The following GNA14 variants were observed in gnomAD, a reference collection of about 807,000 sequenced individuals.
GNA14 encodes the protein guanine nucleotide-binding protein subunit alpha-14.
In GNA14, 50 loss-of-function variants were observed where a neutral mutation model predicts 42.0. The observed-to-expected ratio is 1.19, with a 90% CI of 0.95 to 1.51. The LOEUF (loss-of-function observed/expected upper bound fraction) is 1.51. Ranked by LOEUF, GNA14 falls within the 40% of genes most tolerant of loss-of-function variation. GNA14 has a pLI of 0.00. For synonymous variants in GNA14, 173 were observed against 163.1 expected (o/e 1.06, Z -0.46); for missense variants, 473 against 446.2 (o/e 1.06, Z -0.54).
intron 1 of GNA14, among the ~76,000 whole-genome samples, chr9:77,576,812 C>T (rs542066537): frequency 2.6e-5 from 4 of 152,012 alleles, no homozygotes; most frequent in African/African-American, 9.6e-5. Context: ...ATGCTATACA[C>T]CTTTCCCAAT....
At chr9:77,601,022 A>G (rs1012501011) in intron 1 of GNA14, among the ~76,000 whole-genome samples, 3 of 152,222 alleles carry the variant, frequency 2.0e-5, no homozygotes, top group Admixed American at 6.5e-5. Flanking sequence ...GCGCCTGCGC[A>G]CTGGGAAAAA....
At chr9:77,572,278 C>T (rs961595) in intron 1 of GNA14, among the ~76,000 whole-genome samples, 107,426 of 152,070 alleles carry the variant, frequency 0.71, 38,182 homozygotes, top group East Asian at 0.86. Context: ...AGACCTAACA[C>T]GTAGGGAAGA....
rs540377314 is a variant in GNA14, at chr9:77,444,893, C to T, written c.310-10371G>A. Reference sequence around the variant, plus strand: ...GGCACCAGCAGGCAGACTCGTTCACCACTCAGTGCACAGCGTCCTGCCCCT... The same window carrying T: ...GGCACCAGCAGGCAGACTCGTTCACTACTCAGTGCACAGCGTCCTGCCCCT... On this transcript the variant is annotated intron_variant, in intron 2 of 6. Transcript: ENST00000341700. 1.3e-5 allele frequency among the ~76,000 whole-genome samples: 2 copies of T among 152,330 alleles called. 1 individual carries two copies. Among genetic ancestry groups the T allele is most frequent in the South Asian group, 4.1e-4 (2 of 4,830 alleles).
intron 1 of GNA14, among the ~76,000 whole-genome samples, chr9:77,542,033 T>A (rs1424211319): frequency 6.6e-6 from 1 of 152,214 alleles, no homozygotes; most frequent in Non-Finnish European, 1.5e-5. Flanking sequence ...ATTTTGTGAA[T>A]TTCTCTTTGA....
chr9:77,629,113 C>T lies in GNA14; in HGVS notation c.124+18557G>A, dbSNP rs116788927. Among the ~76,000 whole-genome samples, 1,114 of 152,106 alleles carry T rather than the reference C, an allele frequency of 7.3e-3. 15 individuals are homozygous for T. Among genetic ancestry groups the T allele is most frequent in the African/African-American group, 0.025 (1,040 of 41,494 alleles). On this transcript the variant is annotated intron_variant, in intron 1 of 6. Coordinates refer to ENST00000341700, the MANE Select transcript of GNA14 (RefSeq NM_004297.4). ...CCTCTCAAGGTATTTATGTGGCCAA[C>T]AAACATGTGAAAAAAAGCTCATCAC...
At chr9:77,445,932 C>T (rs7039268) in intron 2 of GNA14, among the ~76,000 whole-genome samples, 21,368 of 152,150 alleles carry the variant, frequency 0.14, 1,755 homozygotes, top group East Asian at 0.36. Flanking sequence ...TTATCACTGA[C>T]AGTCCAACTT....
chr9:77,627,950 T>C (rs1318462688), intron 1 of GNA14, among the ~76,000 whole-genome samples: 2 of 152,170 alleles, frequency 1.3e-5, no homozygotes, highest in Admixed American at 6.5e-5. Flanking sequence ...GGAAGTCAAA[T>C]TGGCCCTGTT....
chr9:77,541,401 G>A (rs1054737373), intron 1 of GNA14, among the ~76,000 whole-genome samples: 4 of 152,102 alleles, frequency 2.6e-5, no homozygotes, highest in African/African-American at 4.8e-5. Flanking sequence ...TGAGAAGTCT[G>A]CTGTTAGTCA....
intron 2 of GNA14, among the ~76,000 whole-genome samples, chr9:77,483,272 A>G (rs1184395973): frequency 6.6e-6 from 1 of 152,188 alleles, no homozygotes; most frequent in Admixed American, 6.5e-5. Flanking sequence ...TCCTTCTAAC[A>G]GACAGGACGC....
chr9:77,464,451 T>G (rs1016120873), intron 2 of GNA14, among the ~76,000 whole-genome samples: 10 of 152,042 alleles, frequency 6.6e-5, no homozygotes, highest in African/African-American at 1.9e-4. Flanking sequence ...AAGACCATCT[T>G]TAAGTATTTC....
chr9:77,554,528 G>A (rs553685692), intron 1 of GNA14, among the ~76,000 whole-genome samples: 3 of 152,182 alleles, frequency 2.0e-5, no homozygotes, highest in South Asian at 2.1e-4. Flanking sequence ...TTTTCAATGC[G>A]AGGGATTCAT....
intron 2 of GNA14, among the ~76,000 whole-genome samples, chr9:77,459,016 AAAGT>A (rs1289494007): frequency 6.6e-6 from 1 of 152,150 alleles, no homozygotes; most frequent in Non-Finnish European, 1.5e-5. Context: ...TCATGATAAA[AAAGT>A]AAGGGACATG....
intron 2 of GNA14, among the ~76,000 whole-genome samples, chr9:77,485,956 A>G (rs12000329): frequency 0.079 from 11,976 of 152,220 alleles, 1,097 homozygotes; most frequent in African/African-American, 0.22. Context: ...TTAGAATGGT[A>G]AATTGGCATT....
chr9:77,597,799 G>A (rs143569999), intron 1 of GNA14, among the ~76,000 whole-genome samples: 4,453 of 151,940 alleles, frequency 0.029, 120 homozygotes, highest in Admixed American at 0.082. Context: ...GGTGGCTAAC[G>A]CCTATAATCC....
chr9:77,449,457 G>T lies in GNA14; in HGVS notation c.310-14935C>A, dbSNP rs540219510. 8.4e-4 allele frequency among the ~76,000 whole-genome samples: 128 copies of T among 152,272 alleles called. 1 individual carries two copies. The highest frequency in any genetic ancestry group is 1.5e-3 in the Non-Finnish European group (104 of 68,010). Reference sequence around the variant, plus strand: ...TTTATAACTTCCTTAAGCAAGCCATGTTATCAAGTGCTAGTTCCCCTGAGG... The same window carrying T: ...TTTATAACTTCCTTAAGCAAGCCATTTTATCAAGTGCTAGTTCCCCTGAGG... On this transcript the variant is annotated intron_variant, in intron 2 of 6. Transcript: ENST00000341700.
intron 2 of GNA14, among the ~76,000 whole-genome samples, chr9:77,484,519 G>A (rs1365126263): frequency 6.6e-6 from 1 of 152,096 alleles, no homozygotes; most frequent in Admixed American, 6.5e-5. Flanking sequence ...CTGTAGGCAG[G>A]GATATAAAAT....
intron 1 of GNA14, among the ~76,000 whole-genome samples, chr9:77,641,097 GGGGGAAGGAAGGAAGGAAGGA>G (rs1824256385): frequency 4.4e-5 from 1 of 22,500 alleles, no homozygotes; most frequent in African/African-American, 4.5e-4. Context: ...GAGGGGAGGG[GGGGGAAGGAAGGAAGGAAGGA>G]AGGAAGGAAG....
chr9:77,505,434 T>C (rs1187352271), intron 2 of GNA14, among the ~76,000 whole-genome samples: 1 of 152,212 alleles, frequency 6.6e-6, no homozygotes, highest in African/African-American at 2.4e-5. Context: ...TGGTGCTGTA[T>C]TGTAAATTAC....
chr9:77,571,302 T>C (rs1823054986), intron 1 of GNA14, among the ~76,000 whole-genome samples: 1 of 152,210 alleles, frequency 6.6e-6, no homozygotes, highest in South Asian at 2.1e-4. Flanking sequence ...TTTTTCTAAG[T>C]ACTGTGGAGG....
Sources: allele counts gnomAD v4.1 joint callset (sites outside exome capture counted in the v4.1 genomes callset), GRCh38; gene constraint gnomAD v4.1.1; transcripts MANE v1.5; gene names NCBI Gene and HGNC (gene_info 2026-07-23, HGNC 2026-07-21).